SPECC1L: variants seen among roughly 807,000 people sequenced by gnomAD.
The protein encoded by SPECC1L is cytospin-A.
Under a neutral mutation model 116.8 loss-of-function variants are expected in SPECC1L, and 40 were observed. The observed-to-expected ratio is 0.34, with a 90% confidence interval of 0.27 to 0.45. The LOEUF (loss-of-function observed/expected upper bound fraction) is 0.45. SPECC1L is among the 20% of genes least tolerant of loss of function. The probability of loss-of-function intolerance (pLI) is 1.00; values close to 1 mark genes in which losing one functional copy is unlikely to be tolerated. For synonymous variants in SPECC1L, 504 were observed against 500.6 expected, an observed-to-expected ratio of 1.01 and a Z score of -0.09; for missense variants, 1,110 against 1,373.6, an observed-to-expected ratio of 0.81 and a Z score of 3.03.
chr22:24,351,052 G>A (rs2041411225), intron 11 of SPECC1L, among the ~76,000 whole-genome samples: 1 of 152,174 alleles, frequency 6.6e-6, no homozygotes, highest in Non-Finnish European at 1.5e-5. Flanking sequence ...TACCTCCTGA[G>A]CTCAGCTGAA....
intron 14 of SPECC1L, among the ~76,000 whole-genome samples, chr22:24,401,327 G>A (rs1228910088): frequency 6.6e-6 from 1 of 152,200 alleles, no homozygotes; most frequent in Non-Finnish European, 1.5e-5. Context: ...CCTGTTGTCC[G>A]TGGTGTAAAC....
intron 14 of SPECC1L, among the ~76,000 whole-genome samples, chr22:24,404,721 C>T (rs532134700): frequency 3.9e-4 from 60 of 152,318 alleles, no homozygotes; most frequent in African/African-American, 1.3e-3. Flanking sequence ...CCCTTTAAAC[C>T]TCCTTGAGCC....
Position 24,322,731 on chromosome 22 carries a change from A to G in SPECC1L, c.1751A>G (p.Glu584Gly), listed in dbSNP as rs1337706348. The G allele has an allele frequency of 1.3e-6, 2 of 1,585,038 alleles. No individual in the cohort carries two copies. The highest frequency in any genetic ancestry group is 1.7e-6 in the Non-Finnish European group (2 of 1,167,550). Residue 584 changes from glutamate (E) to glycine (G), a missense_variant, in exon 5 of 17, where the codon GAG becomes GGG. Physicochemically the swap from Glu to Gly is moderately conservative, Grantham distance 98 (BLOSUM62 -2). Coordinates refer to ENST00000314328, the MANE Select transcript of SPECC1L (RefSeq NM_015330.6). The stretch of plus-strand genomic sequence containing the variant: ...ATGAATCGCCTGAAGGCTCAGCTGG[A>G]GAATGAAAAGCAGAAAGTGGCAGAG... ...IEMNRLKAQL[E>G]NEKQKVAELY...
At chr22:24,368,485 T>C (rs532994259) in intron 13 of SPECC1L, among the ~76,000 whole-genome samples, 1 of 152,376 alleles carries the variant, frequency 6.6e-6, no homozygotes, top group South Asian at 2.1e-4. Flanking sequence ...ATATTGTTCA[T>C]GTTTATTGCC....
chr22:24,366,364 T>C (rs1356411872), intron 13 of SPECC1L, among the ~76,000 whole-genome samples: 2 of 152,148 alleles, frequency 1.3e-5, no homozygotes, highest in East Asian at 1.9e-4. Flanking sequence ...CGGCTAATTT[T>C]TTGTGTTTTT....
chr22:24,271,226 GC>G (rs778855011), intron 1 of SPECC1L, among the ~76,000 whole-genome samples: 56 of 152,368 alleles, frequency 3.7e-4, no homozygotes, highest in Non-Finnish European at 7.1e-4. Flanking sequence ...AGACCCACTG[GC>G]CTTCGTCCGT....
intron 14 of SPECC1L, among the ~76,000 whole-genome samples, chr22:24,373,771 A>C (rs1482284273): frequency 6.6e-6 from 1 of 152,226 alleles, no homozygotes; most frequent in East Asian, 1.9e-4. Flanking sequence ...GAAAATTGAC[A>C]AATGGGATCT....
intron 2 of SPECC1L, among the ~76,000 whole-genome samples, chr22:24,299,491 T>C (rs572653532): frequency 7.2e-5 from 11 of 152,114 alleles, no homozygotes; most frequent in Non-Finnish European, 1.5e-4. Context: ...AACCAGCCGG[T>C]CTAAGTGATC....
intron 2 of SPECC1L, among the ~76,000 whole-genome samples, chr22:24,300,756 C>G (rs1200120921): frequency 1.3e-5 from 2 of 152,078 alleles, no homozygotes; most frequent in Non-Finnish European, 2.9e-5. Flanking sequence ...TAGAACAGAA[C>G]AGTGATGTTG....
intron 16 of SPECC1L, among the ~76,000 whole-genome samples, chr22:24,412,959 C>G (rs1232770001): frequency 6.6e-6 from 1 of 152,164 alleles, no homozygotes; most frequent in Non-Finnish European, 1.5e-5. Context: ...GGTGGGAGGC[C>G]TGAGACCATG....
At position 24,390,872 on chromosome 22, in the gene SPECC1L, C is replaced by CTTTTTTTTTT. The variant is rs1016008966; in HGVS notation, c.3088-20699_3088-20690dup. ...TGTTCCTTTTTTTTTTTTTTCTTTT[C>CTTTTTTTTTT]TTTTTTTTTTTTTTTTTTTTTTTTT... On this transcript the variant is annotated intron_variant, in intron 14 of 16. Coordinates refer to ENST00000314328, the MANE Select transcript of SPECC1L (RefSeq NM_015330.6). Among the ~76,000 whole-genome samples the CTTTTTTTTTT allele has an allele frequency of 8.4e-4, 48 of 57,120 alleles. 1 individual carries two copies. The highest frequency in any genetic ancestry group is 1.9e-3 in the African/African-American group (25 of 13,208). The allele number at this position is 57,120 out of a possible 152,430, so 37.5% of individuals were successfully genotyped here.
chr22:24,365,626 G>A lies in SPECC1L; in HGVS notation c.2978G>A (p.Arg993Gln), dbSNP rs200684804. The part of the protein sequence containing the change: ...TASVTPTTRS[R>Q]IREERKDPLS... ...TCTGTGACTCCCACCACCCGAAGCCGAATAAGGTAGAGAACAGTTAATATT... is the reference window on the plus strand; with the variant it reads ...TCTGTGACTCCCACCACCCGAAGCCAAATAAGGTAGAGAACAGTTAATATT... Residue 993 changes from arginine (R) to glutamine (Q), a missense_variant, in exon 13 of 17, where the codon CGA becomes CAA. Physicochemically the swap from Arg to Gln is conservative, Grantham distance 43. This residue lies in a region of SPECC1L where 575 missense variants were observed against 682.4 expected (regional missense o/e 0.84). Transcript: ENST00000314328. 1.9e-6 allele frequency: 3 copies of A among 1,614,102 alleles called. No homozygotes were observed. The highest frequency in any genetic ancestry group is 1.7e-6 in the Non-Finnish European group (2 of 1,180,018).
At chr22:24,363,161 C>A in intron 11 of SPECC1L, 100 bp from the exon 12 acceptor site, 1 of 1,050,266 alleles carries the variant, frequency 9.5e-7, no homozygotes, top group Non-Finnish European at 1.5e-6. Context: ...GAAGGATGAG[C>A]TTCAAGGCTG....
At chr22:24,271,045 C>T (rs1228574975) in intron 1 of SPECC1L, 62 bp downstream of exon 1, 3 of 152,476 alleles carry the variant, frequency 2.0e-5, no homozygotes, top group Non-Finnish European at 4.4e-5. Flanking sequence ...GCCTCAGCGC[C>T]GCCCGCGCTG....
chr22:24,369,157 C>A, intron 13 of SPECC1L, 61 bp from the exon 14 acceptor site: 1 of 1,219,926 alleles, frequency 8.2e-7, no homozygotes, highest in Non-Finnish European at 1.2e-6. Context: ...AACTTTAATA[C>A]TTTTCTCTTA....
At chr22:24,392,188 A>T (rs2042286618) in intron 14 of SPECC1L, among the ~76,000 whole-genome samples, 1 of 152,342 alleles carries the variant, frequency 6.6e-6, no homozygotes, top group East Asian at 1.9e-4. Flanking sequence ...CTCTTCAGTA[A>T]GTTTCCAGTA....
intron 1 of SPECC1L, among the ~76,000 whole-genome samples, chr22:24,272,624 G>A (rs1332103562): frequency 6.7e-6 from 1 of 149,400 alleles, no homozygotes; most frequent in Non-Finnish European, 1.5e-5. Flanking sequence ...CCGAGGTCTC[G>A]CCACTGCACT....
At chr22:24,303,666 T>C (rs2049428578) in intron 3 of SPECC1L, among the ~76,000 whole-genome samples, 1 of 152,196 alleles carries the variant, frequency 6.6e-6, no homozygotes, top group Non-Finnish European at 1.5e-5. Flanking sequence ...AGGTTTACTA[T>C]GGAATGTGCA....
intron 2 of SPECC1L, among the ~76,000 whole-genome samples, chr22:24,293,826 T>G (rs2049204950): frequency 8.5e-6 from 1 of 118,148 alleles, no homozygotes; most frequent in African/African-American, 3.3e-5. Context: ...CTTCAGATAC[T>G]GGGGGAGTTG....
Sources: gnomAD v4.1 joint callset for allele counts (sites outside exome capture counted in the v4.1 genomes callset) on GRCh38, gnomAD v4.1.1 for gene constraint, gnomAD v4.1.1 regional missense constraint, MANE v1.5 for transcripts, NCBI Gene and HGNC (gene_info 2026-07-23, HGNC 2026-07-21) for gene names.